Variants in ATL3 observed in about 807,000 individuals in gnomAD.
ATL3 encodes the protein atlastin-3.
In ATL3, 49 loss-of-function variants were observed where a neutral mutation model predicts 69.5. That is an observed-to-expected ratio of 0.71 (90% CI 0.56 to 0.89). ATL3 has a LOEUF of 0.89. Ranked by LOEUF, ATL3 falls within the 40% of genes least tolerant of loss-of-function variation. ATL3 has a pLI of 0.00. For synonymous variants in ATL3, 214 were observed against 224.1 expected (o/e 0.95, Z 0.40); for missense variants, 606 against 645.7 (o/e 0.94, Z 0.67).
Position 63,646,530 on chromosome 11 carries a change from C to A in ATL3, c.595G>T (p.Glu199Ter), listed in dbSNP as rs2134496115. Residue 199 changes from glutamate (E) to a stop codon, truncating the protein, a stop_gained, in exon 6 of 13, where the codon GAA (glutamate) becomes TAA (stop). Coordinates refer to ENST00000398868, the MANE Select transcript of ATL3 (RefSeq NM_015459.5). LOFTEE classifies it high-confidence loss of function. The part of the protein sequence containing the change: ...FTEYGRLAMD[E>*]IFQKPFQTLM... Reference sequence around the variant, plus strand: ...ACCTGGAAAGGCTTTTGGAAAATTTCATCCATTGCCAGACGACCGTATTCT... The same window carrying A: ...ACCTGGAAAGGCTTTTGGAAAATTTAATCCATTGCCAGACGACCGTATTCT... 1 of 1,603,672 alleles carries A rather than the reference C, an allele frequency of 6.2e-7. No homozygotes were observed. Among genetic ancestry groups the A allele is most frequent in the South Asian group, 1.1e-5 (1 of 89,470 alleles).
At chr11:63,651,324 G>A (rs1354650222) in intron 5 of ATL3, among the ~76,000 whole-genome samples, 1 of 151,254 alleles carries the variant, frequency 6.6e-6, no homozygotes, top group South Asian at 2.1e-4. Flanking sequence ...GCATGGTGGC[G>A]CACACCTGTA....
At chr11:63,662,008 T>A (rs1940436912) in intron 1 of ATL3, among the ~76,000 whole-genome samples, 1 of 151,800 alleles carries the variant, frequency 6.6e-6, no homozygotes, top group African/African-American at 2.4e-5. Context: ...GGTCAGGAGT[T>A]CGAGACCACC....
At chr11:63,634,438 T>A (rs1295043885) in intron 10 of ATL3, among the ~76,000 whole-genome samples, 4 of 150,886 alleles carry the variant, frequency 2.7e-5, no homozygotes, top group Non-Finnish European at 5.9e-5. Flanking sequence ...ACCCAGGAGG[T>A]GGAGCTTGCA....
chr11:63,634,080 C>T (rs1216021259), intron 10 of ATL3, among the ~76,000 whole-genome samples: 1 of 147,066 alleles, frequency 6.8e-6, no homozygotes, highest in African/African-American at 2.5e-5. Flanking sequence ...GGTGTGGTGG[C>T]TTACGCCTGT....
intron 8 of ATL3, among the ~76,000 whole-genome samples, chr11:63,639,932 A>T (rs973044595): frequency 6.6e-6 from 1 of 151,332 alleles, no homozygotes; most frequent in Non-Finnish European, 1.5e-5. Context: ...TATCTACCTT[A>T]TCTTTTTTTT....
At chr11:63,665,669 A>G (rs949146167) in intron 1 of ATL3, among the ~76,000 whole-genome samples, 4 of 152,072 alleles carry the variant, frequency 2.6e-5, no homozygotes, top group African/African-American at 9.7e-5. Flanking sequence ...CAGGCAGATC[A>G]CCTGAGATCA....
chr11:63,639,544 A>T (rs546150778), intron 8 of ATL3, among the ~76,000 whole-genome samples: 2 of 152,272 alleles, frequency 1.3e-5, no homozygotes, highest in African/African-American at 4.8e-5. Flanking sequence ...ACTTGAGGTC[A>T]GGAGTTCGAG....
rs565659932 is a variant in ATL3, at chr11:63,651,828, T to C, written c.561+108A>G. 6.2e-4 allele frequency: 890 copies of C among 1,431,308 alleles called. 2 individuals are homozygous for C. In the Middle Eastern group the frequency reaches 0.01, roughly 17 times the overall value. 88.7% of individuals were successfully genotyped at this position (1,431,308 alleles called of 1,614,324 possible). A position where few individuals can be genotyped will look rare whatever the true frequency, so the allele number is the denominator to read the frequency against. On this transcript the variant is annotated intron_variant, in intron 5 of 12. Transcript: ENST00000398868. ...ATAGAATTACTATGAACCAAAAACCTTCCTCTACATTTCAATCTTTTGCTA... is the reference window on the plus strand; with the variant it reads ...ATAGAATTACTATGAACCAAAAACCCTCCTCTACATTTCAATCTTTTGCTA...
In ATL3 at chr11:63,635,562, T is replaced by G; in HGVS notation, c.1007A>C (p.Asp336Ala). Residue 336 changes from aspartate (D) to alanine (A), a missense_variant, in exon 10 of 13, where the codon GAT becomes GCT. Physicochemically the swap from Asp to Ala is moderately radical, Grantham distance 126. Transcript: ENST00000398868. ...KAYIKIYQGEDLPHPKSMLQA... is the reference protein window; with the variant it reads ...KAYIKIYQGEALPHPKSMLQA... Reference sequence around the variant, plus strand: ...AAGCATGGACTTGGGGTGAGGCAGATCTTCTCCTTGATAAATTTTAATATA... The same window carrying G: ...AAGCATGGACTTGGGGTGAGGCAGAGCTTCTCCTTGATAAATTTTAATATA... 2.5e-6 allele frequency: 4 copies of G among 1,612,174 alleles called. No homozygotes were observed. Among genetic ancestry groups the G allele is most frequent in the Non-Finnish European group, 3.4e-6 (4 of 1,178,436 alleles).
chr11:63,636,198 C>T lies in ATL3; in HGVS notation c.978+9G>A, dbSNP rs3781606. 457 of 1,608,698 alleles carry T rather than the reference C, an allele frequency of 2.8e-4. 4 individuals are homozygous for T. The East Asian group carries it at 9.2e-3, about 32-fold the overall frequency. The stretch of plus-strand genomic sequence containing the variant: ...ATCAAACATTTTAATAACTAAAACC[C>T]ATATTTACCTTAAAATACTCCAGTA... On this transcript the variant is annotated intron_variant, in intron 9 of 12. Coordinates refer to ENST00000398868, the MANE Select transcript of ATL3 (RefSeq NM_015459.5).
chr11:63,671,625 C>A, upstream of ATL3: 2 of 1,417,510 alleles, frequency 1.4e-6, no homozygotes, highest in South Asian at 1.3e-5. Context: ...GCGAAGCGAG[C>A]CGCCGGGTAC....
chr11:63,649,048 G>C (rs1449482056), intron 5 of ATL3, among the ~76,000 whole-genome samples: 5 of 151,874 alleles, frequency 3.3e-5, no homozygotes, highest in African/African-American at 1.2e-4. Context: ...TTGAACTTGG[G>C]AGGCGGAGAT....
rs764656343 is a variant in ATL3 at position 63,631,160 on chromosome 11, G to T, written c.1419C>A (p.Phe473Leu). The T allele has an allele frequency of 1.2e-6, 2 of 1,614,182 alleles. No individual in the cohort carries two copies. The highest frequency in any genetic ancestry group is 1.1e-5 in the South Asian group (1 of 91,078). Residue 473 changes from phenylalanine (F) to leucine (L), a missense_variant, in exon 12 of 13, where the codon TTC (phenylalanine) becomes TTA (leucine). Transcript: ENST00000398868. ...TTAACAGTAGTCCAACCATACAGTT[G>T]AACAACTGGGCTACAACCTCAAGAC... The part of the protein sequence containing the change: ...FIGLEVVAQL[F>L]NCMVGLLLIA...
chr11:63,646,470 CA>C, intron 6 of ATL3, 36 bp downstream of exon 6: 1 of 1,337,404 alleles, frequency 7.5e-7, no homozygotes, highest in Non-Finnish European at 1.0e-6. Flanking sequence ...AAAACAAAAA[CA>C]AAGGTATGAA....
intron 1 of ATL3, among the ~76,000 whole-genome samples, chr11:63,662,017 C>A (rs1404853588): frequency 6.6e-6 from 1 of 151,602 alleles, no homozygotes; most frequent in African/African-American, 2.4e-5. Flanking sequence ...TTCGAGACCA[C>A]CCTGGTCCAA....
At position 63,644,264 on chromosome 11, in the gene ATL3, A is replaced by G; in HGVS notation, c.619-3T>C. On this transcript the variant is annotated splice_region_variant and splice_polypyrimidine_tract_variant and intron_variant, in intron 6 of 12. Transcript: ENST00000398868. ...TCTCTAACCAAAAACATCAGTGTCTATTTAAGAAAAGAGCGGAACATATTT... is the reference window on the plus strand; with the variant it reads ...TCTCTAACCAAAAACATCAGTGTCTGTTTAAGAAAAGAGCGGAACATATTT... 1 of 1,574,464 alleles carries G rather than the reference A, an allele frequency of 6.4e-7. No homozygotes were observed. The highest frequency in any genetic ancestry group is 8.7e-7 in the Non-Finnish European group (1 of 1,147,452).
chr11:63,651,204 C>T (rs558431686), intron 5 of ATL3, among the ~76,000 whole-genome samples: 68 of 152,242 alleles, frequency 4.5e-4, no homozygotes, highest in Middle Eastern at 3.4e-3. Flanking sequence ...TGCCTGTAAT[C>T]CCAGCACTTT....
chr11:63,636,002 G>A (rs1939503214), intron 9 of ATL3, among the ~76,000 whole-genome samples: 1 of 150,720 alleles, frequency 6.6e-6, no homozygotes, highest in South Asian at 2.1e-4. Flanking sequence ...CTCTAAGAGA[G>A]TGCAAAGAAC....
At chr11:63,657,758 G>GA (rs899679410) in intron 3 of ATL3, among the ~76,000 whole-genome samples, 69 of 149,912 alleles carry the variant, frequency 4.6e-4, no homozygotes, top group Middle Eastern at 3.5e-3. Context: ...TCCTTTTATT[G>GA]AAAAAAAATT....
Sources: allele counts gnomAD v4.1 joint callset (sites outside exome capture counted in the v4.1 genomes callset), GRCh38; gene constraint gnomAD v4.1.1; transcripts MANE v1.5; gene names NCBI Gene and HGNC (gene_info 2026-07-23, HGNC 2026-07-21).